Variants in ZNF385B observed in about 807,000 individuals in gnomAD.
ZNF385B encodes the protein zinc finger protein 385B.
Under a neutral mutation model 39.2 loss-of-function variants are expected in ZNF385B, and 23 were observed. The observed-to-expected ratio is 0.59, with a 90% CI of 0.42 to 0.83. The LOEUF is 0.83. Ranked by LOEUF, ZNF385B falls within the 40% of genes least tolerant of loss-of-function variation. The pLI is 0.00. For synonymous variants in ZNF385B, 205 were observed against 222.6 expected (o/e 0.92, Z 0.70); for missense variants, 552 against 598.9 (o/e 0.92, Z 0.82).
At chr2:179,629,944 G>A (rs1454444751) in intron 3 of ZNF385B, among the ~76,000 whole-genome samples, 1 of 152,234 alleles carries the variant, frequency 6.6e-6, no homozygotes, top group East Asian at 1.9e-4. Flanking sequence ...GAATTGCGAG[G>A]CAGCAGCCTG....
At chr2:179,779,705 C>T (rs541100113) in intron 1 of ZNF385B, among the ~76,000 whole-genome samples, 30 of 152,192 alleles carry the variant, frequency 2.0e-4, no homozygotes, top group East Asian at 1.2e-3. Flanking sequence ...ACATGTCTTG[C>T]TGGTGGATTA....
In ZNF385B at chr2:179,689,742, A is replaced by G. The variant is rs533545669; in HGVS notation, c.298+79761T>C. On this transcript the variant is annotated intron_variant, in intron 3 of 9. Transcript: ENST00000410066. ...AGTTCCATTAATGTTAGCCACCAGC[A>G]AAAGACAAGACTACATGAAGAAGAG... is the stretch of plus-strand genomic sequence containing the variant. Among the ~76,000 whole-genome samples the G allele has an allele frequency of 5.3e-5, 8 of 152,056 alleles. No individual in the cohort carries two copies. In the South Asian group the frequency reaches 1.7e-3, roughly 32 times the overall value.
At chr2:179,735,326 T>C (rs551567240) in intron 3 of ZNF385B, among the ~76,000 whole-genome samples, 1 of 147,546 alleles carries the variant, frequency 6.8e-6, no homozygotes, top group Non-Finnish European at 1.5e-5. Context: ...TCAAAACCAC[T>C]ATGAGATACC....
At position 179,635,424 on chromosome 2, in the gene ZNF385B, C is replaced by G. The variant is rs1207851251; in HGVS notation, c.299-90455G>C. 4.6e-5 allele frequency among the ~76,000 whole-genome samples: 7 copies of G among 151,746 alleles called. 1 individual carries two copies. In the South Asian group the frequency reaches 1.5e-3, roughly 32 times the overall value. ...GGGAGGAATAGCATTAGGAGAAATA[C>G]CTAATGTGAATGATGAATTGATGGG... is the stretch of plus-strand genomic sequence containing the variant. On this transcript the variant is annotated intron_variant, in intron 3 of 9. Coordinates refer to ENST00000410066, the MANE Select transcript of ZNF385B (RefSeq NM_152520.6).
intron 9 of ZNF385B, among the ~76,000 whole-genome samples, chr2:179,444,111 T>C (rs2049229407): frequency 6.6e-6 from 1 of 152,218 alleles, no homozygotes; most frequent in Non-Finnish European, 1.5e-5. Context: ...CCTTAATTTC[T>C]CTCTCTTGCA....
chr2:179,717,088 G>GT (rs1700376436), intron 3 of ZNF385B, among the ~76,000 whole-genome samples: 1 of 152,092 alleles, frequency 6.6e-6, no homozygotes, highest in African/African-American at 2.4e-5. Context: ...TGCAGCAATG[G>GT]TAACTGGGAA....
At chr2:179,512,359 A>G (rs1158188216) in intron 5 of ZNF385B, among the ~76,000 whole-genome samples, 2 of 152,142 alleles carry the variant, frequency 1.3e-5, no homozygotes, top group African/African-American at 4.8e-5. Flanking sequence ...TAAAGATTTG[A>G]TTTTGTGTAA....
rs534466338 is a variant in ZNF385B, at chr2:179,715,550, C to T, written c.298+53953G>A. Among the ~76,000 whole-genome samples, 6 of 152,146 alleles carry T rather than the reference C, an allele frequency of 3.9e-5. No homozygotes were observed. In the East Asian group the frequency reaches 1.2e-3, roughly 29 times the overall value. ...TTAAGAATGTATGCTAATGAATATC[C>T]CATACCTCGATATTTATAATAAGTT... On this transcript the variant is annotated intron_variant, in intron 3 of 9. Coordinates refer to ENST00000410066, the MANE Select transcript of ZNF385B (RefSeq NM_152520.6).
intron 3 of ZNF385B, chr2:179,745,680 C>T (rs1303354723): frequency 6.5e-7 from 1 of 1,528,456 alleles, no homozygotes; most frequent in Non-Finnish European, 8.8e-7. Context: ...ATCCCAGACC[C>T]CAGCATCCAA....
intron 3 of ZNF385B, among the ~76,000 whole-genome samples, chr2:179,682,928 C>G (rs1409690134): frequency 1.3e-5 from 2 of 152,152 alleles, no homozygotes; most frequent in Non-Finnish European, 2.9e-5. Context: ...AGCAGCCTGG[C>G]TATGCAAATT....
rs3172033 is a variant in ZNF385B at position 179,442,154 on chromosome 2, G to C, written c.*1096C>G. ...TTCCAGTCTTGTTGATATCGGCTTA[G>C]AAAGGGGGGCATGGGAGCATGACCT... On this transcript the variant is annotated 3_prime_UTR_variant, in exon 10 of 10. Transcript: ENST00000410066. 1 of 152,610 alleles carries C rather than the reference G, an allele frequency of 6.6e-6. No individual in the cohort carries two copies. The highest frequency in any genetic ancestry group is 2.4e-5 in the African/African-American group (1 of 41,448). The allele number at this position is 152,610 out of a possible 1,614,324, so 9.5% of individuals were successfully genotyped here.
chr2:179,769,941 T>C (rs1169813316), intron 2 of ZNF385B, 139 bp from the exon 3 acceptor site: 11 of 756,974 alleles, frequency 1.5e-5, no homozygotes, highest in Non-Finnish European at 1.9e-5. Flanking sequence ...AAAAAAATCA[T>C]CAAAAGTACC....
intron 3 of ZNF385B, among the ~76,000 whole-genome samples, chr2:179,596,211 G>A (rs2106088606): frequency 6.6e-6 from 1 of 152,266 alleles, no homozygotes; most frequent in Middle Eastern, 3.4e-3. Flanking sequence ...GGATGTCACA[G>A]GCGTTGAACA....
intron 3 of ZNF385B, among the ~76,000 whole-genome samples, chr2:179,655,558 A>G (rs1270448959): frequency 3.3e-5 from 5 of 151,838 alleles, no homozygotes; most frequent in Admixed American, 6.6e-5. Context: ...CAAAAGCAGA[A>G]TAAGTACTTG....
rs149162730 is a variant in ZNF385B at position 179,538,284 on chromosome 2, A to C, written c.441+6543T>G. 9.3e-4 allele frequency among the ~76,000 whole-genome samples: 142 copies of C among 152,272 alleles called. 1 individual carries two copies. Among genetic ancestry groups the C allele is most frequent in the African/African-American group, 3.3e-3 (137 of 41,556 alleles). ...TTCTACTTAAATTTAAAAATATACAAATAAGAGAAAAATACATATTCATAT... is the reference window on the plus strand; with the variant it reads ...TTCTACTTAAATTTAAAAATATACACATAAGAGAAAAATACATATTCATAT... On this transcript the variant is annotated intron_variant, in intron 4 of 9. Transcript: ENST00000410066.
At chr2:179,797,927 CT>C (rs1343554767) in intron 1 of ZNF385B, among the ~76,000 whole-genome samples, 1 of 152,072 alleles carries the variant, frequency 6.6e-6, no homozygotes, top group Non-Finnish European at 1.5e-5. Flanking sequence ...CTAATATACT[CT>C]TACAAAAAGA....
chr2:179,732,541 T>G (rs968284089), intron 3 of ZNF385B, among the ~76,000 whole-genome samples: 2 of 152,194 alleles, frequency 1.3e-5, no homozygotes, highest in Admixed American at 1.3e-4. Flanking sequence ...ATAATATTAA[T>G]CAAACCTTTC....
intron 3 of ZNF385B, among the ~76,000 whole-genome samples, chr2:179,766,032 A>ACACACG (rs1273542419): frequency 6.0e-5 from 7 of 116,040 alleles, no homozygotes; most frequent in Non-Finnish European, 1.0e-4. Flanking sequence ...TACATTGATC[A>ACACACG]CACACACACA....
chr2:179,855,688 G>C (rs1684537597), intron 1 of ZNF385B, among the ~76,000 whole-genome samples: 1 of 152,058 alleles, frequency 6.6e-6, no homozygotes, highest in African/African-American at 2.4e-5. Context: ...GACCAGGGTG[G>C]GCAAGAAAAG....
Sources: allele counts gnomAD v4.1 joint callset (sites outside exome capture counted in the v4.1 genomes callset), GRCh38; gene constraint gnomAD v4.1.1; transcripts MANE v1.5; gene names NCBI Gene and HGNC (gene_info 2026-07-23, HGNC 2026-07-21).